Variants in COL5A1 observed in about 807,000 individuals in gnomAD.
COL5A1 encodes the protein collagen type V alpha 1 chain, also known as collagen alpha-1(V) chain.
COL5A1 carries 16 observed loss-of-function variants against 263.7 expected under a neutral mutation model. The ratio of observed to expected loss-of-function variants is 0.06; its 90% CI spans 0.04 to 0.09. The LOEUF is 0.09. Among genes scored for constraint, COL5A1 ranks in the 10% least tolerant of loss-of-function variants. The probability of loss-of-function intolerance (pLI) is 1.00; values close to 1 mark genes in which losing one functional copy is unlikely to be tolerated. For missense variants in COL5A1, 2,036 were observed against 2,540.5 expected, an observed-to-expected ratio of 0.80 and a Z score of 4.27; for synonymous variants, 1,012 against 1,004.5, an observed-to-expected ratio of 1.01 and a Z score of -0.14.
Position 134,830,061 on chromosome 9 carries a change from C to T in COL5A1, c.5136+17C>T, listed in dbSNP as rs765571792. 19 of 1,613,694 alleles carry T rather than the reference C, an allele frequency of 1.2e-5. No individual in the cohort carries two copies. Among genetic ancestry groups the T allele is most frequent in the East Asian group, 2.2e-5 (1 of 44,890 alleles). On this transcript the variant is annotated intron_variant, in intron 64 of 65. Coordinates refer to ENST00000371817, the MANE Select transcript of COL5A1 (RefSeq NM_000093.5). ...GGGAAACTGGTAAGGTGGCCTCTGG[C>T]GTCTTTGCGGTTGTCACTTTAAACC...
Position 134,788,573 on chromosome 9 carries a change from G to A in COL5A1, c.2647-582G>A, listed in dbSNP as rs150523704. On this transcript the variant is annotated intron_variant, in intron 31 of 65. Coordinates refer to ENST00000371817, the MANE Select transcript of COL5A1 (RefSeq NM_000093.5). ...ATAGGTAGGCAGATGGAATGAATGG[G>A]TAGGTGGGTGGGTGGGTAGGTGGAT... Among the ~76,000 whole-genome samples the A allele has an allele frequency of 1.7e-3, 237 of 143,276 alleles. 2 individuals are homozygous for A. The highest frequency in any genetic ancestry group is 7.2e-3 in the Middle Eastern group (2 of 276). The allele number at this position is 143,276 out of a possible 152,430, so 94.0% of individuals were successfully genotyped here. A position where few individuals can be genotyped will look rare whatever the true frequency, so the allele number is the denominator to read the frequency against.
chr9:134,719,732 G>A (rs1457547781), intron 4 of COL5A1, among the ~76,000 whole-genome samples: 1 of 152,236 alleles, frequency 6.6e-6, no homozygotes, highest in African/African-American at 2.4e-5. Context: ...GGCTCAGGAA[G>A]TAGGCGGCTG....
Position 134,693,328 on chromosome 9 carries a change from C to G in COL5A1, c.277+2249C>G, listed in dbSNP as rs1833348481. Among the ~76,000 whole-genome samples, 3 of 152,198 alleles carry G rather than the reference C, an allele frequency of 2.0e-5. No individual in the cohort carries two copies. The South Asian group carries it at 6.2e-4, about 32-fold the overall frequency. On this transcript the variant is annotated intron_variant, in intron 2 of 65. Coordinates refer to ENST00000371817, the MANE Select transcript of COL5A1 (RefSeq NM_000093.5). The stretch of plus-strand genomic sequence containing the variant: ...ACGGAGTGAGTGAGACTGTCTCAAA[C>G]AAAACAAAACAAACAAAAAAACCAA...
intron 64 of COL5A1, among the ~76,000 whole-genome samples, chr9:134,831,014 C>T (rs1402883784): frequency 1.3e-5 from 2 of 152,206 alleles, no homozygotes; most frequent in African/African-American, 4.8e-5. Flanking sequence ...ATTCTCCTTT[C>T]CCTCCCTTCT....
chr9:134,750,834 G>A lies in COL5A1; in HGVS notation c.1614G>A (p.Met538Ile). Residue 538 changes from methionine to isoleucine, a missense_variant, in exon 13 of 66, where the codon ATG becomes ATA. Around this residue, in one of 3 missense-constraint regions of COL5A1, gnomAD observed 1,078 missense variants for 1,521.4 expected, o/e 0.71. Coordinates refer to ENST00000371817, the MANE Select transcript of COL5A1 (RefSeq NM_000093.5). ...GGGDAGSKGP[M>I]VSAQESQAQA... ...GCGATGCGGGCTCCAAAGGCCCCAT[G>A]GTCTCAGCCCAGGAGTCCCAGGCGC... 3 of 1,613,222 alleles carry A rather than the reference G, an allele frequency of 1.9e-6. No homozygotes were observed. Among genetic ancestry groups the A allele is most frequent in the Non-Finnish European group, 2.5e-6 (3 of 1,180,018 alleles).
intron 1 of COL5A1, among the ~76,000 whole-genome samples, chr9:134,655,409 C>T (rs1326994067): frequency 6.6e-6 from 1 of 152,022 alleles, no homozygotes; most frequent in African/African-American, 2.4e-5. Flanking sequence ...CCTTTAGCCT[C>T]TCAGCTGGGC....
At chr9:134,803,091 A>G (rs1838171511) in intron 39 of COL5A1, 96 bp downstream of exon 39, 8 of 998,788 alleles carry the variant, frequency 8.0e-6, no homozygotes, top group Middle Eastern at 2.0e-4. Flanking sequence ...TGAATGGGTA[A>G]TTCGTCAAAC....
intron 18 of COL5A1, among the ~76,000 whole-genome samples, chr9:134,760,174 C>A (rs1467972444): frequency 7.3e-6 from 1 of 136,556 alleles, no homozygotes; most frequent in East Asian, 2.3e-4. Context: ...CATACATGCA[C>A]ACACACATAC....
At chr9:134,826,661 A>G (rs3128605) in intron 63 of COL5A1, among the ~76,000 whole-genome samples, 70,030 of 116,960 alleles carry the variant, frequency 0.6, 17,847 homozygotes, top group East Asian at 0.65. Flanking sequence ...TGGCTGGTGG[A>G]TGGGTGTGTG....
At chr9:134,723,541 T>C (rs1834542262) in intron 4 of COL5A1, among the ~76,000 whole-genome samples, 1 of 152,216 alleles carries the variant, frequency 6.6e-6, no homozygotes, top group Non-Finnish European at 1.5e-5. Context: ...GCTCTGCAGT[T>C]GGGACCAGTG....
intron 2 of COL5A1, among the ~76,000 whole-genome samples, chr9:134,699,438 C>G (rs376278330): frequency 1.3e-5 from 2 of 152,220 alleles, no homozygotes; most frequent in South Asian, 4.2e-4. Flanking sequence ...TTCTCCCTTC[C>G]TCTCTCTGCT....
chr9:134,699,795 C>T (rs1054030945), intron 2 of COL5A1, 114 bp from the exon 3 acceptor site: 30 of 1,013,512 alleles, frequency 3.0e-5, no homozygotes, highest in Middle Eastern at 2.5e-4. Flanking sequence ...CAGTGCCCCA[C>T]GACGGGCAGC....
At chr9:134,822,188 G>T in intron 59 of COL5A1, 38 bp downstream of exon 59, 1 of 1,317,154 alleles carries the variant, frequency 7.6e-7, no homozygotes, top group Middle Eastern at 1.8e-4. Flanking sequence ...TCCTGGGAGG[G>T]CAGGGAGGGT....
chr9:134,770,250 G>C (rs926150597), intron 25 of COL5A1, among the ~76,000 whole-genome samples: 3 of 152,148 alleles, frequency 2.0e-5, no homozygotes, highest in Admixed American at 6.5e-5. Context: ...TTCTTGTTTT[G>C]GTTTTGGTTT....
chr9:134,797,752 G>C lies in COL5A1; in HGVS notation c.2899-656G>C, dbSNP rs142256965. The stretch of plus-strand genomic sequence containing the variant: ...CCTGCCTCGGCCTCCCAAAGTGCTG[G>C]GATTACAGCCACCGTGCCCGGAGCC... On this transcript the variant is annotated intron_variant, in intron 36 of 65. Transcript: ENST00000371817. Among the ~76,000 whole-genome samples, 157 of 152,236 alleles carry C rather than the reference G, an allele frequency of 1.0e-3. 4 individuals are homozygous for C. The East Asian group carries it at 0.029, about 28-fold the overall frequency.
In COL5A1 at chr9:134,668,063, A is replaced by G. The variant is rs1476209015; in HGVS notation, c.110-22849A>G. Among the ~76,000 whole-genome samples the G allele has an allele frequency of 2.6e-5, 4 of 152,190 alleles. No homozygotes were observed. The East Asian group carries it at 7.7e-4, about 29-fold the overall frequency. ...ATGTACCAGGCACTTTGGGTCAGTC[A>G]TAGCCCCAAATGTCAGAAGCAAAAA... On this transcript the variant is annotated intron_variant, in intron 1 of 65. Coordinates refer to ENST00000371817, the MANE Select transcript of COL5A1 (RefSeq NM_000093.5).
chr9:134,759,271 TACACACATGC>T (rs1554793885), intron 18 of COL5A1, among the ~76,000 whole-genome samples: 1 of 131,294 alleles, frequency 7.6e-6, no homozygotes, highest in East Asian at 2.2e-4. Flanking sequence ...CACACACTCA[TACACACATGC>T]ACACACACGC....
At chr9:134,738,135 G>T (rs1255181918) in intron 9 of COL5A1, among the ~76,000 whole-genome samples, 3 of 152,118 alleles carry the variant, frequency 2.0e-5, no homozygotes, top group African/African-American at 7.2e-5. Context: ...GGACCTGCCT[G>T]GCACTCCCCT....
intron 1 of COL5A1, among the ~76,000 whole-genome samples, chr9:134,690,691 C>T (rs571569065): frequency 3.3e-5 from 5 of 152,038 alleles, no homozygotes; most frequent in East Asian, 3.9e-4. Context: ...GGTCTGCCCC[C>T]GGTATGTGGC....
Sources: allele counts gnomAD v4.1 joint callset (sites outside exome capture counted in the v4.1 genomes callset), GRCh38; gene constraint gnomAD v4.1.1; regional missense constraint gnomAD v4.1.1; transcripts MANE v1.5; gene names NCBI Gene and HGNC (gene_info 2026-07-23, HGNC 2026-07-21).